UBE2V1: variants seen among roughly 807,000 people sequenced by gnomAD.
The protein encoded by UBE2V1 is ubiquitin-conjugating enzyme E2 variant 1.
Under a neutral mutation model 19.6 loss-of-function variants are expected in UBE2V1, and 15 were observed. The observed-to-expected ratio is 0.77, with a 90% CI of 0.51 to 1.18. The LOEUF is 1.18. Ranked by LOEUF, UBE2V1 falls within the 50% of genes most tolerant of loss-of-function variation. UBE2V1 has a pLI of 0.00. For missense variants in UBE2V1, 125 were observed against 184.8 expected (o/e 0.68, Z 1.88); for synonymous variants, 60 against 60.7 (o/e 0.99, Z 0.05).
upstream of UBE2V1, among the ~76,000 whole-genome samples, chr20:50,114,485 G>C (rs1191714476): frequency 6.6e-6 from 1 of 152,202 alleles, no homozygotes; most frequent in African/African-American, 2.4e-5. Context: ...AAAGCCTTCA[G>C]TGGCTCCCCA....
chr20:50,095,905 G>C (rs550854150), intron 2 of UBE2V1: 1 of 152,414 alleles, frequency 6.6e-6, no homozygotes, highest in East Asian at 1.9e-4. Context: ...TCTGGAGTCA[G>C]ATCTGGTTTG....
chr20:50,099,685 T>C (rs140760640), intron 1 of UBE2V1, among the ~76,000 whole-genome samples: 114 of 152,290 alleles, frequency 7.5e-4, no homozygotes, highest in Non-Finnish European at 1.1e-3. Context: ...TCAGCTTCTT[T>C]AGGGCTTTGG....
chr20:50,096,907 G>A, intron 1 of UBE2V1, 87 bp from the exon 2 acceptor site: 1 of 1,560,254 alleles, frequency 6.4e-7, no homozygotes, highest in East Asian at 2.3e-5. Flanking sequence ...TCTCTCCCTG[G>A]GAATCAAGAT....
intron 1 of UBE2V1, among the ~76,000 whole-genome samples, chr20:50,100,316 G>A (rs560256480): frequency 2.8e-3 from 418 of 151,002 alleles, no homozygotes; most frequent in African/African-American, 6.8e-3. Context: ...GACGGGGCGC[G>A]GTGGCTCACA....
chr20:50,112,736 G>T (rs1019559406), intron 1 of UBE2V1, among the ~76,000 whole-genome samples: 1 of 152,182 alleles, frequency 6.6e-6, no homozygotes, highest in Non-Finnish European at 1.5e-5. Flanking sequence ...TCCATCCGCT[G>T]TGGGGCGCCT....
intron 1 of UBE2V1, 84 bp downstream of exon 1, chr20:50,113,023 C>T: frequency 1.8e-6 from 1 of 568,330 alleles, no homozygotes. Context: ...GACCCTGGCT[C>T]CGCTGCAGGA....
chr20:50,115,446 T>C, upstream of UBE2V1: 2 of 1,496,824 alleles, frequency 1.3e-6, no homozygotes, highest in African/African-American at 1.4e-5. Context: ...AAAGCATCAG[T>C]AGCAAGTGGA....
intron 2 of UBE2V1, among the ~76,000 whole-genome samples, chr20:50,094,419 C>A (rs1177039997): frequency 1.3e-5 from 2 of 150,832 alleles, no homozygotes; most frequent in Non-Finnish European, 2.9e-5. Context: ...CACATACAAA[C>A]CTGTATATAA....
intron 2 of UBE2V1, chr20:50,095,916 G>A (rs1449271009): frequency 6.6e-6 from 1 of 152,348 alleles, no homozygotes; most frequent in South Asian, 2.1e-4. Context: ...ATCTGGTTTG[G>A]GGGTTACCAG....
chr20:50,102,170 G>A (rs1170768433), intron 1 of UBE2V1, among the ~76,000 whole-genome samples: 1 of 152,170 alleles, frequency 6.6e-6, no homozygotes, highest in Non-Finnish European at 1.5e-5. Flanking sequence ...ATAGGCCTGC[G>A]TGATGGGAAG....
chr20:50,092,512 A>C (rs969536944), intron 2 of UBE2V1, among the ~76,000 whole-genome samples: 2 of 152,106 alleles, frequency 1.3e-5, no homozygotes, highest in Non-Finnish European at 2.9e-5. Flanking sequence ...GATGCTGCTA[A>C]ACAGCCTACA....
chr20:50,110,345 G>C (rs775357119), intron 1 of UBE2V1, among the ~76,000 whole-genome samples: 3 of 152,226 alleles, frequency 2.0e-5, no homozygotes, highest in Non-Finnish European at 4.4e-5. Flanking sequence ...CAAAGGAAGT[G>C]GGAAGGTGGT....
At chr20:50,090,827 G>A (rs1037247891) in intron 2 of UBE2V1, among the ~76,000 whole-genome samples, 4 of 152,192 alleles carry the variant, frequency 2.6e-5, no homozygotes, top group East Asian at 3.8e-4. Flanking sequence ...GTAGCTACAC[G>A]TGGTGATGGA....
intron 1 of UBE2V1, among the ~76,000 whole-genome samples, chr20:50,112,273 T>C (rs2080805321): frequency 6.6e-6 from 1 of 152,154 alleles, no homozygotes; most frequent in Non-Finnish European, 1.5e-5. Context: ...TCCTCGGGGC[T>C]CCCAATTCAT....
intron 2 of UBE2V1, among the ~76,000 whole-genome samples, chr20:50,093,418 A>G (rs1054106856): frequency 1.3e-5 from 2 of 151,876 alleles, no homozygotes; most frequent in African/African-American, 2.4e-5. Flanking sequence ...TGTGCTAATC[A>G]TGAAAGATTG....
intron 2 of UBE2V1, among the ~76,000 whole-genome samples, chr20:50,087,359 C>T (rs2078979395): frequency 6.7e-6 from 1 of 148,758 alleles, no homozygotes; most frequent in Non-Finnish European, 1.5e-5. Context: ...CTGCACCACT[C>T]CACTCCAGCC....
At chr20:50,093,798 T>A (rs766010938) in intron 2 of UBE2V1, among the ~76,000 whole-genome samples, 24 of 151,652 alleles carry the variant, frequency 1.6e-4, no homozygotes, top group Non-Finnish European at 2.5e-4. Flanking sequence ...AAGACCAGCC[T>A]GGCTAAGATG....
At chr20:50,109,143 G>A in intron 1 of UBE2V1, 1 of 985,312 alleles carries the variant, frequency 1.0e-6, no homozygotes, top group Non-Finnish European at 1.2e-6. Flanking sequence ...AACATCACAG[G>A]TAAGTCGAAG....
At position 50,113,112 on chromosome 20, in the gene UBE2V1, C is replaced by T; in HGVS notation, c.17G>A (p.Gly6Asp). ...GGCCCGGCGCCCCCGCTCACCCGAG[C>T]CCGTGGTGGCTGCCATCTTGCGTCG... The part of the protein sequence containing the change: MAATT[G>D]SGVKVPRNFR... Residue 6 changes from glycine (G) to aspartate (D), a missense_variant, in exon 1 of 4, where the codon GGC becomes GAC. Physicochemically the swap from Gly to Asp is moderately conservative, Grantham distance 94. This residue lies in a region of UBE2V1 where 28 missense variants were observed against 22.5 expected (regional missense o/e 1.25). Coordinates refer to ENST00000371674, the MANE Select transcript of UBE2V1 (RefSeq NM_001032288.3). 1 of 1,354,894 alleles carries T rather than the reference C, an allele frequency of 7.4e-7. No homozygotes were observed. Among genetic ancestry groups the T allele is most frequent in the Non-Finnish European group, 9.7e-7 (1 of 1,034,958 alleles). The allele number at this position is 1,354,894 out of a possible 1,614,324, so 83.9% of individuals were successfully genotyped here.
Sources: allele counts gnomAD v4.1 joint callset (sites outside exome capture counted in the v4.1 genomes callset), GRCh38; gene constraint gnomAD v4.1.1; regional missense constraint gnomAD v4.1.1; transcripts MANE v1.5; gene names NCBI Gene and HGNC (gene_info 2026-07-23, HGNC 2026-07-21).